The following CSTPP1 variants were observed in gnomAD, a reference collection of about 807,000 sequenced individuals.
CSTPP1 encodes UPF0705 protein C11orf49.
At chr11:47,072,035 A>AT in the CSTPP1 span, among the ~76,000 whole-genome samples, 1 of 152,154 alleles carries the variant, frequency 6.6e-6, no homozygotes, top group Admixed American at 6.5e-5. Flanking sequence ...TTGCTGAGTT[A>AT]TTTACTAAGA....
At chr11:47,050,243 G>C in the CSTPP1 span, among the ~76,000 whole-genome samples, 2 of 152,158 alleles carry the variant, frequency 1.3e-5, no homozygotes, top group Admixed American at 1.3e-4. Flanking sequence ...TGTGTGGCTA[G>C]CTTCAAAGAT....
chr11:46,979,857 G>A, the CSTPP1 span, among the ~76,000 whole-genome samples: 2 of 152,154 alleles, frequency 1.3e-5, no homozygotes, highest in Non-Finnish European at 2.9e-5. Context: ...AGGTTGCAGT[G>A]AGCCGCGATC....
chr11:47,117,005 C>G, the CSTPP1 span, among the ~76,000 whole-genome samples: 1 of 152,132 alleles, frequency 6.6e-6, no homozygotes. Context: ...TTCTCCATCC[C>G]TTTATTTTCA....
the CSTPP1 span, among the ~76,000 whole-genome samples, chr11:47,028,610 C>T: frequency 5.9e-5 from 9 of 152,156 alleles, no homozygotes; most frequent in Non-Finnish European, 1.3e-4. Flanking sequence ...AACTTCTGTG[C>T]AAATATGTTG....
chr11:47,149,254 T>C, the CSTPP1 span, among the ~76,000 whole-genome samples: 2 of 152,162 alleles, frequency 1.3e-5, no homozygotes, highest in Middle Eastern at 3.2e-3. Context: ...CATGATCCAA[T>C]AGATTTGTGC....
the CSTPP1 span, among the ~76,000 whole-genome samples, chr11:47,116,596 CT>C: frequency 6.8e-6 from 1 of 146,822 alleles, no homozygotes; most frequent in Non-Finnish European, 1.5e-5. Context: ...CTCTTTTGAT[CT>C]TTGTTGGTTT....
the CSTPP1 span, among the ~76,000 whole-genome samples, chr11:47,059,949 CA>C: frequency 6.6e-6 from 1 of 151,710 alleles, no homozygotes; most frequent in Non-Finnish European, 1.5e-5. Flanking sequence ...ACTAAAAATA[CA>C]AAAATTAGCT....
chr11:46,946,518 C>T, the CSTPP1 span, among the ~76,000 whole-genome samples: 1 of 152,128 alleles, frequency 6.6e-6, no homozygotes, highest in Admixed American at 6.5e-5. Flanking sequence ...ATTAGCCGGG[C>T]GTGGTGGCAG....
the CSTPP1 span, among the ~76,000 whole-genome samples, chr11:47,085,490 A>G: frequency 1.3e-5 from 2 of 152,192 alleles, no homozygotes; most frequent in Non-Finnish European, 2.9e-5. Flanking sequence ...TGGAAAAGAT[A>G]AAATAAACAC....
chr11:47,059,697 T>C, the CSTPP1 span, among the ~76,000 whole-genome samples: 1 of 152,204 alleles, frequency 6.6e-6, no homozygotes, highest in Admixed American at 6.5e-5. Context: ...TAGGAGATAA[T>C]GCGGAATGCT....
the CSTPP1 span, among the ~76,000 whole-genome samples, chr11:47,034,245 C>G: frequency 1.3e-5 from 2 of 152,056 alleles, no homozygotes; most frequent in Non-Finnish European, 2.9e-5. Flanking sequence ...GTACAACACC[C>G]AAAACTGGCA....
the CSTPP1 span, among the ~76,000 whole-genome samples, chr11:47,107,978 TGCATGTGC>T: frequency 1.3e-5 from 2 of 152,276 alleles, no homozygotes; most frequent in Admixed American, 1.3e-4. Context: ...CCACAACTTC[TGCATGTGC>T]GCATGTGCGC....
At chr11:46,939,682 GT>G in the CSTPP1 span, among the ~76,000 whole-genome samples, 1 of 145,364 alleles carries the variant, frequency 6.9e-6, no homozygotes, top group Non-Finnish European at 1.5e-5. Flanking sequence ...ATAGGTAGAT[GT>G]TTTTAGTGAA....
the CSTPP1 span, among the ~76,000 whole-genome samples, chr11:47,020,147 A>G: frequency 6.6e-6 from 1 of 152,236 alleles, no homozygotes; most frequent in Non-Finnish European, 1.5e-5. Context: ...ATGCCAAGGC[A>G]TGAAGGCATT....
At chr11:47,093,019 A>G in the CSTPP1 span, among the ~76,000 whole-genome samples, 2 of 152,242 alleles carry the variant, frequency 1.3e-5, no homozygotes, top group Non-Finnish European at 1.5e-5. Context: ...TAATACAAGT[A>G]CAATGAGTGT....
chr11:47,086,527 AG>A, the CSTPP1 span, among the ~76,000 whole-genome samples: 372 of 152,224 alleles, frequency 2.4e-3, 1 homozygote, highest in African/African-American at 8.2e-3. Flanking sequence ...GGGGAAAGGA[AG>A]AAGGGAAGAG....
the CSTPP1 span, among the ~76,000 whole-genome samples, chr11:47,110,764 G>A: frequency 1.1e-4 from 16 of 152,054 alleles, no homozygotes; most frequent in Admixed American, 5.9e-4. Context: ...CCTGCCTCCA[G>A]TTCCCAAAAA....
chr11:46,944,441 C>T, the CSTPP1 span, among the ~76,000 whole-genome samples: 1 of 152,062 alleles, frequency 6.6e-6, no homozygotes, highest in Non-Finnish European at 1.5e-5. Flanking sequence ...TGTGCAAATA[C>T]GTAAACATCT....
chr11:46,960,940 A>C, the CSTPP1 span, among the ~76,000 whole-genome samples: 1 of 152,094 alleles, frequency 6.6e-6, no homozygotes, highest in African/African-American at 2.4e-5. Flanking sequence ...GTTTGATTGT[A>C]TGGGTACATC....
Sources: gnomAD v4.1 joint callset for allele counts (sites outside exome capture counted in the v4.1 genomes callset) on GRCh38, gnomAD v4.1.1 for gene constraint, MANE v1.5 for transcripts, NCBI Gene and HGNC (gene_info 2026-07-23, HGNC 2026-07-21) for gene names.